The following LAMB3 variants were observed in gnomAD, a reference collection of about 807,000 sequenced individuals.
LAMB3 encodes the protein laminin subunit beta 3, also known as laminin subunit beta-3.
A neutral mutation model predicts 140.3 loss-of-function variants in LAMB3; 104 were observed. The observed-to-expected ratio is 0.74, with a 90% CI of 0.63 to 0.87. The LOEUF (loss-of-function observed/expected upper bound fraction) is 0.87, where lower values mean the gene tolerates loss of function less well. Ranked by LOEUF, LAMB3 falls within the 40% of genes least tolerant of loss-of-function variation. The pLI is 0.00. For synonymous variants in LAMB3, 592 were observed against 602.9 expected (o/e 0.98, Z 0.26); for missense variants, 1,531 against 1,575.2 (o/e 0.97, Z 0.47).
At chr1:209,625,377 G>A (rs1456919843) in intron 14 of LAMB3, among the ~76,000 whole-genome samples, 2 of 152,124 alleles carry the variant, frequency 1.3e-5, no homozygotes, top group Non-Finnish European at 2.9e-5. Context: ...TTAAAAGAAC[G>A]CTGGGCTTGG....
At chr1:209,629,674 T>C in intron 10 of LAMB3, 63 bp downstream of exon 10, 1 of 1,503,224 alleles carries the variant, frequency 6.7e-7, no homozygotes, top group Non-Finnish European at 9.3e-7. Context: ...TACTCTATTG[T>C]ACCCAGAGGA....
At chr1:209,622,762 C>G (rs1345985740) in intron 17 of LAMB3, 82 bp from the exon 18 acceptor site, 1 of 1,568,164 alleles carries the variant, frequency 6.4e-7, no homozygotes. Context: ...GGATCATCCT[C>G]TATGCCAAGA....
chr1:209,645,005 C>T (rs999070266), intron 3 of LAMB3, among the ~76,000 whole-genome samples: 3 of 152,214 alleles, frequency 2.0e-5, no homozygotes, highest in Non-Finnish European at 4.4e-5. Flanking sequence ...TGAGGCCATC[C>T]AGGTTTGTCT....
chr1:209,633,806 C>T (rs535502679), intron 6 of LAMB3, among the ~76,000 whole-genome samples: 37 of 152,250 alleles, frequency 2.4e-4, no homozygotes, highest in African/African-American at 8.7e-4. Flanking sequence ...GTGTCTCAGC[C>T]AGGGAAAGGA....
At chr1:209,622,482 G>A in intron 18 of LAMB3, 54 bp downstream of exon 18, 1 of 1,605,930 alleles carries the variant, frequency 6.2e-7, no homozygotes, top group South Asian at 1.1e-5. Context: ...ACATGGGAAT[G>A]CGGGACAGGC....
At position 209,625,936 on chromosome 1, in the gene LAMB3, C is replaced by T. The variant is rs753850608; in HGVS notation, c.1688G>A (p.Arg563His). The change falls in exon 14 of 23, where the codon CGC becomes CAC. Residue 563 changes from arginine to histidine, a missense_variant. Physicochemically the swap from Arg to His is conservative, Grantham distance 29 (BLOSUM62 0). Transcript: ENST00000356082. ...GTAGCCTCGCTGGCACTGGTCACAG[C>T]GGGGCCCGGTCAAGCCAGGGCGGCA... ...CLCRPGLTGPRCDQCQRGYCN... is the reference protein window; with the variant it reads ...CLCRPGLTGPHCDQCQRGYCN... The T allele has an allele frequency of 4.2e-5, 67 of 1,613,618 alleles. No individual in the cohort carries two copies. Among genetic ancestry groups the T allele is most frequent in the Non-Finnish European group, 4.4e-5 (52 of 1,179,880 alleles).
rs768166336 is a variant in LAMB3, at chr1:209,622,529, G to C, written c.2701+7C>G. The C allele has an allele frequency of 6.2e-7, 1 of 1,613,676 alleles. No homozygotes were observed. The highest frequency in any genetic ancestry group is 8.5e-7 in the Non-Finnish European group (1 of 1,180,008). The stretch of plus-strand genomic sequence containing the variant: ...AGCAGCCAAGGTGGGGTGGAGACTG[G>C]GCTCACCTGTTAGGAAGTCCCGGAC... On this transcript the variant is annotated splice_region_variant and intron_variant, in intron 18 of 22. Transcript: ENST00000356082.
At chr1:209,641,571 G>A (rs1290496633) in intron 3 of LAMB3, among the ~76,000 whole-genome samples, 4 of 152,166 alleles carry the variant, frequency 2.6e-5, no homozygotes, top group Non-Finnish European at 5.9e-5. Flanking sequence ...GTATGCTAAA[G>A]GGTAGCAGTC....
Position 209,616,544 on chromosome 1 carries a change from G to C in LAMB3, c.3309C>G (p.Ala1103=). ...CCTCTGTCTTCACACTCTGGATCCGGGCACCCTGCTCACCCAGCATGGAAC... is the reference window on the plus strand; with the variant it reads ...CCTCTGTCTTCACACTCTGGATCCGCGCACCCTGCTCACCCAGCATGGAAC... ...GQSSMLGEQG[A]RIQSVKTEAE... The change falls in exon 22 of 23, where the codon GCC becomes GCG. Residue 1103 remains alanine, a synonymous_variant. Transcript: ENST00000356082. The C allele has an allele frequency of 3.7e-6, 6 of 1,614,072 alleles. No individual in the cohort carries two copies. The highest frequency in any genetic ancestry group is 5.1e-6 in the Non-Finnish European group (6 of 1,179,990).
chr1:209,622,905 G>A (rs1571804413), intron 17 of LAMB3, 77 bp downstream of exon 17: 1 of 1,531,606 alleles, frequency 6.5e-7, no homozygotes, highest in East Asian at 2.2e-5. Flanking sequence ...GTGTAAAATG[G>A]GAACTCTGAC....
chr1:209,643,233 T>C (rs2076486690), intron 3 of LAMB3, among the ~76,000 whole-genome samples: 1 of 152,234 alleles, frequency 6.6e-6, no homozygotes, highest in Admixed American at 6.5e-5. Flanking sequence ...TGTATGCTTA[T>C]ATGTAGGGTG....
At chr1:209,625,058 A>G (rs1016477582) in intron 14 of LAMB3, among the ~76,000 whole-genome samples, 1 of 152,208 alleles carries the variant, frequency 6.6e-6, no homozygotes, top group Admixed American at 6.5e-5. Context: ...GCTCTAGCAC[A>G]TCGTGAGTCA....
Position 209,641,434 on chromosome 1 carries a change from C to T in LAMB3, c.184-2786G>A, listed in dbSNP as rs115713846. Among the ~76,000 whole-genome samples the T allele has an allele frequency of 3.2e-3, 484 of 152,332 alleles. 5 individuals are homozygous for T. Among genetic ancestry groups the T allele is most frequent in the African/African-American group, 0.011 (446 of 41,568 alleles). ...GGAATGCTGAGGCACAAAGAGGCAA[C>T]ATGACTTTGCTATTGACTGATCCCC... On this transcript the variant is annotated intron_variant, in intron 3 of 22. Coordinates refer to ENST00000356082, the MANE Select transcript of LAMB3 (RefSeq NM_000228.3).
In LAMB3 at chr1:209,629,943, C is replaced by T; in HGVS notation, c.944-18G>A. 3 of 1,612,536 alleles carry T rather than the reference C, an allele frequency of 1.9e-6. No homozygotes were observed. Among genetic ancestry groups the T allele is most frequent in the Non-Finnish European group, 2.5e-6 (3 of 1,179,018 alleles). On this transcript the variant is annotated intron_variant, in intron 9 of 22. Coordinates refer to ENST00000356082, the MANE Select transcript of LAMB3 (RefSeq NM_000228.3). Reference sequence around the variant, plus strand: ...GTCGCACCCTGGAAAAAGAGAGTCCCAGGGCTGACATCTGACCCACACCTT... The same window carrying T: ...GTCGCACCCTGGAAAAAGAGAGTCCTAGGGCTGACATCTGACCCACACCTT...
rs759841329 is a variant in LAMB3 at position 209,638,001 on chromosome 1, A to G, written c.299-20T>C. 1 of 1,601,856 alleles carries G rather than the reference A, an allele frequency of 6.2e-7. No homozygotes were observed. Among genetic ancestry groups the G allele is most frequent in the Non-Finnish European group, 8.5e-7 (1 of 1,171,502 alleles). On this transcript the variant is annotated intron_variant, in intron 4 of 22. Transcript: ENST00000356082. ...TCACATCTGGAAGGACAAAAAATAG[A>G]AACTGTCATCCAGAGACTGTCCACT... is the stretch of plus-strand genomic sequence containing the variant.
chr1:209,620,978 C>G (rs528526724), intron 18 of LAMB3, among the ~76,000 whole-genome samples: 1 of 152,328 alleles, frequency 6.6e-6, no homozygotes, highest in African/African-American at 2.4e-5. Context: ...AGAAAATTTT[C>G]CTGGGTTTCC....
At position 209,627,436 on chromosome 1, in the gene LAMB3, A is replaced by C; in HGVS notation, c.1432T>G (p.Cys478Gly). ...YHWKLASGQGCEPCACDPHNS... is the reference protein window; with the variant it reads ...YHWKLASGQGGEPCACDPHNS... The stretch of plus-strand genomic sequence containing the variant: ...TGCGGGTCGCAGGCACACGGTTCAC[A>C]GCCCTGGCCACTGGCCAGCTTCCAG... The change falls in exon 12 of 23, where the codon TGT (cysteine) becomes GGT (glycine). Residue 478 changes from cysteine (C) to glycine (G), a missense_variant. By Grantham distance (159) the Cys-to-Gly change is radical. Transcript: ENST00000356082. 1 of 1,613,950 alleles carries C rather than the reference A, an allele frequency of 6.2e-7. No homozygotes were observed. Among genetic ancestry groups the C allele is most frequent in the Non-Finnish European group, 8.5e-7 (1 of 1,180,022 alleles).
rs772067391 is a variant in LAMB3 at position 209,632,658 on chromosome 1, G to A, written c.747C>T (p.Ser249=). The change falls in exon 8 of 23, where the codon AGC becomes AGT. Residue 249 remains serine (S), a synonymous_variant. Coordinates refer to ENST00000356082, the MANE Select transcript of LAMB3 (RefSeq NM_000228.3). Reference sequence around the variant, plus strand: ...GATCAGCATGGCCGTGACAGAAGCAGCTCCCCTGCAGACGGAGCTGGGACA... The same window carrying A: ...GATCAGCATGGCCGTGACAGAAGCAACTCCCCTGCAGACGGAGCTGGGACA... The part of the protein sequence containing the change: ...YAVSQLRLQG[S]CFCHGHADRC... 5 of 1,614,170 alleles carry A rather than the reference G, an allele frequency of 3.1e-6. No individual in the cohort carries two copies. The East Asian group carries it at 8.9e-5, about 29-fold the overall frequency.
Position 209,626,914 on chromosome 1 carries a change from C to A in LAMB3, c.1550G>T (p.Arg517Leu), listed in dbSNP as rs1046933364. The change falls in exon 13 of 23, where the codon CGC (arginine) becomes CTC (leucine). Residue 517 changes from arginine to leucine, a missense_variant. Physicochemically the swap from Arg to Leu is moderately radical, Grantham distance 102 (BLOSUM62 -2). Coordinates refer to ENST00000356082, the MANE Select transcript of LAMB3 (RefSeq NM_000228.3). ...GGLMCSAAAI[R>L]QCPDRTYGDV... The stretch of plus-strand genomic sequence containing the variant: ...TCCATAGGTCCGGTCTGGACACTGG[C>A]GGATGGCTGCAGCGCTGCACATCAG... 5 of 1,613,858 alleles carry A rather than the reference C, an allele frequency of 3.1e-6. No homozygotes were observed. Among genetic ancestry groups the A allele is most frequent in the Non-Finnish European group, 4.2e-6 (5 of 1,179,960 alleles).
Sources: gnomAD v4.1 joint callset for allele counts (sites outside exome capture counted in the v4.1 genomes callset) on GRCh38, gnomAD v4.1.1 for gene constraint, MANE v1.5 for transcripts, NCBI Gene and HGNC (gene_info 2026-07-23, HGNC 2026-07-21) for gene names.